Variants in JMJD7 observed in about 807,000 individuals in gnomAD.
The protein encoded by JMJD7 is jumonji domain containing 7.
In JMJD7, 41 loss-of-function variants were observed where a neutral mutation model predicts 41.1. The observed-to-expected ratio is 1.00, with a 90% CI of 0.78 to 1.30. JMJD7 has a LOEUF of 1.30. Ranked by LOEUF, JMJD7 falls within the 50% of genes most tolerant of loss-of-function variation. The pLI, the probability that JMJD7 is intolerant of heterozygous loss-of-function variation, is 0.00. For missense variants in JMJD7, 480 were observed against 420.7 expected, an observed-to-expected ratio of 1.14 and a Z score of -1.23; for synonymous variants, 202 against 177.2, an observed-to-expected ratio of 1.14 and a Z score of -1.11.
At chr15:41,828,403 C>A in intron 1 of JMJD7, 2 of 486,824 alleles carry the variant, frequency 4.1e-6, no homozygotes, top group South Asian at 5.2e-5. Flanking sequence ...GGCCCGGTGC[C>A]GTCTTGACCG....
Position 41,837,380 on chromosome 15 carries a change from C to T in JMJD7, c.*224C>T, listed in dbSNP as rs1265941771. ...CTCAGGAAGTTGCCACACAGGTGAGCAGAGTGGGGATCAGGTGCAGCGGCA... is the reference window on the plus strand; with the variant it reads ...CTCAGGAAGTTGCCACACAGGTGAGTAGAGTGGGGATCAGGTGCAGCGGCA... On this transcript the variant is annotated 3_prime_UTR_variant, in exon 8 of 8. Transcript: ENST00000397299. 7 of 573,692 alleles carry T rather than the reference C, an allele frequency of 1.2e-5. No homozygotes were observed. In the African/African-American group the frequency reaches 1.3e-4, roughly 11 times the overall value. 35.5% of individuals were successfully genotyped at this position (573,692 alleles called of 1,614,324 possible).
chr15:41,833,050 A>G (rs1278000665), intron 1 of JMJD7, among the ~76,000 whole-genome samples: 2 of 152,202 alleles, frequency 1.3e-5, no homozygotes, highest in Non-Finnish European at 2.9e-5. Flanking sequence ...GGCAGGCAGC[A>G]TTCTCTAAGG....
chr15:41,830,447 G>A (rs2065213374), intron 1 of JMJD7, among the ~76,000 whole-genome samples: 1 of 152,246 alleles, frequency 6.6e-6, no homozygotes, highest in African/African-American at 2.4e-5. Context: ...GGGGCCACAT[G>A]TTCCACAGAG....
chr15:41,836,326 TC>T, intron 5 of JMJD7, 83 bp downstream of exon 5: 1 of 1,582,358 alleles, frequency 6.3e-7, no homozygotes, highest in Admixed American at 1.8e-5. Context: ...GGAGGCCAGT[TC>T]CCAGGCCTGA....
At chr15:41,833,414 A>ATTTTTTTTTTT (rs67111164) in intron 1 of JMJD7, among the ~76,000 whole-genome samples, 4 of 32,012 alleles carry the variant, frequency 1.2e-4, no homozygotes, top group South Asian at 1.4e-3. Flanking sequence ...ATATATATAT[A>ATTTTTTTTTTT]TTTTTTTTTT....
chr15:41,836,717 G>A (rs2065323657), intron 6 of JMJD7, 64 bp from the exon 7 acceptor site: 4 of 1,519,834 alleles, frequency 2.6e-6, no homozygotes, highest in Non-Finnish European at 2.7e-6. Flanking sequence ...ACCTTTGGAA[G>A]GGACAGAGCC....
chr15:41,828,246 G>A, intron 1 of JMJD7, 58 bp downstream of exon 1: 1 of 1,463,764 alleles, frequency 6.8e-7, no homozygotes. Flanking sequence ...GCCCTGGGAT[G>A]CCGCTGACAC....
chr15:41,835,505 C>T (rs2065298573), intron 3 of JMJD7, 83 bp from the exon 4 acceptor site: 2 of 1,551,690 alleles, frequency 1.3e-6, no homozygotes, highest in African/African-American at 1.4e-5. Flanking sequence ...CTGTGCTCAC[C>T]CAGGTTTTGG....
At chr15:41,835,914 A>G in intron 4 of JMJD7, 1 of 577,824 alleles carries the variant, frequency 1.7e-6, no homozygotes, top group Non-Finnish European at 2.9e-6. Context: ...TAAGTGTAGG[A>G]GAACTTCCCC....
intron 3 of JMJD7, among the ~76,000 whole-genome samples, 162 bp from the exon 4 acceptor site, chr15:41,835,424 GGA>G (rs2065297409): frequency 6.6e-6 from 1 of 152,174 alleles, no homozygotes; most frequent in South Asian, 2.1e-4. Flanking sequence ...TCTGCCCCAG[GGA>G]GGGAGGACCC....
chr15:41,836,449 C>G, intron 5 of JMJD7, 26 bp from the exon 6 acceptor site: 1 of 1,565,168 alleles, frequency 6.4e-7, no homozygotes, highest in East Asian at 2.3e-5. Flanking sequence ...TGCAATTCCC[C>G]CACACCCTTC....
chr15:41,830,401 G>A (rs757857679), intron 1 of JMJD7, among the ~76,000 whole-genome samples: 3 of 152,346 alleles, frequency 2.0e-5, no homozygotes, highest in East Asian at 1.9e-4. Context: ...CTTGCCCGCC[G>A]CCGCTGTGGG....
In JMJD7 at chr15:41,832,980, G is replaced by C. The variant is rs990259926; in HGVS notation, c.65-1760G>C. On this transcript the variant is annotated intron_variant, in intron 1 of 7. Transcript: ENST00000397299. ...CCTGAATAGAGGGTGTGTGGCAAGG[G>C]CAGGCACGAGACAGGAAATCAGACT... Among the ~76,000 whole-genome samples, 19 of 152,342 alleles carry C rather than the reference G, an allele frequency of 1.2e-4. 1 individual carries two copies. The South Asian group carries it at 2.1e-3, about 17-fold the overall frequency.
At chr15:41,836,760 T>C in intron 6 of JMJD7, 21 bp from the exon 7 acceptor site, 1 of 1,589,058 alleles carries the variant, frequency 6.3e-7, no homozygotes, top group Non-Finnish European at 8.6e-7. Context: ...GGCTGCTCCC[T>C]GGCATCTGAT....
At chr15:41,833,605 G>A (rs984425860) in intron 1 of JMJD7, among the ~76,000 whole-genome samples, 1 of 151,010 alleles carries the variant, frequency 6.6e-6, no homozygotes, top group African/African-American at 2.4e-5. Context: ...TTTTTTTGTA[G>A]AGATGGGGTC....
At chr15:41,829,800 A>C (rs963288465) in intron 1 of JMJD7, among the ~76,000 whole-genome samples, 4 of 152,166 alleles carry the variant, frequency 2.6e-5, no homozygotes, top group African/African-American at 7.2e-5. Context: ...TGTGTGCAGT[A>C]CTCACGCCTG....
At position 41,828,100 on chromosome 15, in the gene JMJD7, G is replaced by C. The variant is rs768357237; in HGVS notation, c.-25G>C. 4.2e-6 allele frequency: 6 copies of C among 1,426,166 alleles called. No individual in the cohort carries two copies. Among genetic ancestry groups the C allele is most frequent in the Non-Finnish European group, 5.5e-6 (6 of 1,094,042 alleles). 88.3% of individuals were successfully genotyped at this position (1,426,166 alleles called of 1,614,324 possible). On this transcript the variant is annotated 5_prime_UTR_variant, in exon 1 of 8. Coordinates refer to ENST00000397299, the MANE Select transcript of JMJD7 (RefSeq NM_001114632.2). ...GCGGCGGGGCGTCGGGGAAAGGCGG[G>C]GTCTCGGCCGGCGCTGACGCAGCCA... is the stretch of plus-strand genomic sequence containing the variant.
chr15:41,836,842 A>T lies in JMJD7; in HGVS notation c.764A>T (p.Gln255Leu). 2 of 1,613,120 alleles carry T rather than the reference A, an allele frequency of 1.2e-6. No individual in the cohort carries two copies. The highest frequency in any genetic ancestry group is 1.3e-5 in the African/African-American group (1 of 75,046). The change falls in exon 7 of 8, where the codon CAG (glutamine) becomes CTG (leucine). Residue 255 changes from glutamine (Q) to leucine (L), a missense_variant. Transcript: ENST00000397299. ...CTAGCACGGTACCCTAGTTACAGTC[A>T]GGCCCAGGCCCTTCGCTGCACGGTG... ...PDLARYPSYSQAQALRCTVRA... is the reference protein window; with the variant it reads ...PDLARYPSYSLAQALRCTVRA...
intron 1 of JMJD7, 194 bp downstream of exon 1, chr15:41,828,382 G>A: frequency 4.9e-6 from 3 of 617,032 alleles, no homozygotes; most frequent in Non-Finnish European, 7.4e-6. Flanking sequence ...TTCTGTTCAC[G>A]TTGTTCCCAA....
Sources: gnomAD v4.1 joint callset for allele counts (sites outside exome capture counted in the v4.1 genomes callset) on GRCh38, gnomAD v4.1.1 for gene constraint, MANE v1.5 for transcripts, NCBI Gene and HGNC (gene_info 2026-07-23, HGNC 2026-07-21) for gene names.